Variants in ACACA observed in about 807,000 individuals in gnomAD.
ACACA encodes the protein acetyl-CoA carboxylase alpha, also known as acetyl-CoA carboxylase 1.
A neutral mutation model predicts 296.1 loss-of-function variants in ACACA; 103 were observed. That is an observed-to-expected ratio of 0.35 (90% CI 0.30 to 0.41). ACACA has a LOEUF of 0.41. ACACA is among the 10% of genes least tolerant of loss of function. The pLI is 1.00. For missense variants in ACACA, 1,554 were observed against 2,989.7 expected (o/e 0.52, Z 11.20); for synonymous variants, 953 against 1,038.6 (o/e 0.92, Z 1.58).
rs192305871 is a variant in ACACA, at chr17:37,091,021, G to A, written c.6892-1947C>T. Among the ~76,000 whole-genome samples, 58 of 151,906 alleles carry A rather than the reference G, an allele frequency of 3.8e-4. No individual in the cohort carries two copies. In the Middle Eastern group the frequency reaches 0.01, roughly 27 times the overall value. The stretch of plus-strand genomic sequence containing the variant: ...TACTCTTATTAATCATTTTTAATCC[G>A]TTTGCTTTTAATTAAGAAACAGCAT... On this transcript the variant is annotated intron_variant, in intron 54 of 55. Coordinates refer to ENST00000616317, the MANE Select transcript of ACACA (RefSeq NM_198834.3).
rs755788267 is a variant in ACACA at position 37,097,809 on chromosome 17, A to G, written c.6720+21T>C. On this transcript the variant is annotated intron_variant, in intron 53 of 55. Coordinates refer to ENST00000616317, the MANE Select transcript of ACACA (RefSeq NM_198834.3). This position sits in a 1 kb window ranked among gnomAD's most constrained non-coding sequence, Gnocchi z 4.8. ...GCCCACATGTGGGCCTCTGACAAGA[A>G]GTGGCAACCATTGTACTTACGCTAA... is the stretch of plus-strand genomic sequence containing the variant. The G allele has an allele frequency of 8.7e-6, 14 of 1,613,336 alleles. No individual in the cohort carries two copies. The African/African-American group carries it at 1.9e-4, about 21-fold the overall frequency.
chr17:37,299,160 G>A, intron 3 of ACACA: 1 of 1,019,870 alleles, frequency 9.8e-7, no homozygotes, highest in Non-Finnish European at 1.4e-6. Flanking sequence ...AAAAAAAATA[G>A]CCTTCATTTT....
chr17:37,296,069 T>C lies in ACACA; in HGVS notation c.339-11099A>G, dbSNP rs376315184. Among the ~76,000 whole-genome samples, 39 of 152,302 alleles carry C rather than the reference T, an allele frequency of 2.6e-4. No homozygotes were observed. The East Asian group carries it at 5.6e-3, about 22-fold the overall frequency. The stretch of plus-strand genomic sequence containing the variant: ...TTTAAATACCCTCTAGAGATTTCCA[T>C]TGTTACTTGGTATACACCCTGTGTA... On this transcript the variant is annotated intron_variant, in intron 3 of 55. Coordinates refer to ENST00000616317, the MANE Select transcript of ACACA (RefSeq NM_198834.3).
rs1358681649 is a variant in ACACA, at chr17:37,347,477, G to A, written c.39-7627C>T. Reference sequence around the variant, plus strand: ...CCCAGCTAGCTTTTTTGTGATTTTTGTGGAGACGGGGTTTTGTTATGTTGC... The same window carrying A: ...CCCAGCTAGCTTTTTTGTGATTTTTATGGAGACGGGGTTTTGTTATGTTGC... On this transcript the variant is annotated intron_variant, in intron 1 of 55. Transcript: ENST00000616317. Among the ~76,000 whole-genome samples, 3 of 152,050 alleles carry A rather than the reference G, an allele frequency of 2.0e-5. No homozygotes were observed. The East Asian group carries it at 5.8e-4, about 29-fold the overall frequency.
chr17:37,101,217 T>C (rs1273559068), intron 52 of ACACA, among the ~76,000 whole-genome samples: 1 of 152,034 alleles, frequency 6.6e-6, no homozygotes, highest in Non-Finnish European at 1.5e-5. Flanking sequence ...TAATAAAGCA[T>C]TGGGATATTA....
Position 37,332,497 on chromosome 17 carries a change from G to A in ACACA, c.86-2072C>T, listed in dbSNP as rs375518776. ...TTTAATTCAGAAAATAAGCCTGGGCGCGGTGGCTCACGCCTATAATCCTAA... is the reference window on the plus strand; with the variant it reads ...TTTAATTCAGAAAATAAGCCTGGGCACGGTGGCTCACGCCTATAATCCTAA... On this transcript the variant is annotated intron_variant, in intron 2 of 55. Coordinates refer to ENST00000616317, the MANE Select transcript of ACACA (RefSeq NM_198834.3). 1.7e-4 allele frequency among the ~76,000 whole-genome samples: 26 copies of A among 151,786 alleles called. 1 individual carries two copies. Among genetic ancestry groups the A allele is most frequent in the East Asian group, 9.7e-4 (5 of 5,168 alleles).
At chr17:37,288,632 T>C (rs1208205423) in intron 3 of ACACA, among the ~76,000 whole-genome samples, 1 of 152,140 alleles carries the variant, frequency 6.6e-6, no homozygotes, top group Non-Finnish European at 1.5e-5. Flanking sequence ...GTACATTGGT[T>C]CACACGTGTA....
rs145578648 is a variant in ACACA at position 37,212,164 on chromosome 17, T to C, written c.3684-1674A>G. On this transcript the variant is annotated intron_variant, in intron 29 of 55. Coordinates refer to ENST00000616317, the MANE Select transcript of ACACA (RefSeq NM_198834.3). ...CTCAGGTTCCATTCATCCAGGTTTCTAGAGTTTAGAAACCAGTATAATCTC... is the reference window on the plus strand; with the variant it reads ...CTCAGGTTCCATTCATCCAGGTTTCCAGAGTTTAGAAACCAGTATAATCTC... Among the ~76,000 whole-genome samples the C allele has an allele frequency of 5.9e-5, 9 of 152,356 alleles. No individual in the cohort carries two copies. In the East Asian group the frequency reaches 1.7e-3, roughly 29 times the overall value.
intron 1 of ACACA, among the ~76,000 whole-genome samples, chr17:37,367,243 G>C (rs2049641272): frequency 6.7e-6 from 1 of 150,112 alleles, no homozygotes; most frequent in South Asian, 2.1e-4. Context: ...AAAAAAAGAA[G>C]AAAGAATAAA....
At chr17:37,279,741 G>A (rs2146529752) in intron 5 of ACACA, among the ~76,000 whole-genome samples, 1 of 152,210 alleles carries the variant, frequency 6.6e-6, no homozygotes, top group East Asian at 1.9e-4. Context: ...AACCCAGGAG[G>A]CAGAGGTTGC....
In ACACA at chr17:37,296,526, C is replaced by T. The variant is rs575614922; in HGVS notation, c.339-11556G>A. 5.7e-4 allele frequency among the ~76,000 whole-genome samples: 86 copies of T among 151,786 alleles called. 1 individual carries two copies. Among genetic ancestry groups the T allele is most frequent in the Non-Finnish European group, 2.7e-4 (18 of 67,920 alleles). On this transcript the variant is annotated intron_variant, in intron 3 of 55. Coordinates refer to ENST00000616317, the MANE Select transcript of ACACA (RefSeq NM_198834.3). ...TTCACCATGTTAGCCAGGATGGTCT[C>T]GATCTCCTGACCTCATGATCCGCCT...
At chr17:37,329,857 C>T (rs1035034208) in intron 3 of ACACA, among the ~76,000 whole-genome samples, 1 of 152,010 alleles carries the variant, frequency 6.6e-6, no homozygotes, top group Admixed American at 6.6e-5. Flanking sequence ...AGAAGAATTG[C>T]TTGAACCCAG....
At chr17:37,333,826 C>A (rs2047993113) in intron 2 of ACACA, among the ~76,000 whole-genome samples, 1 of 149,434 alleles carries the variant, frequency 6.7e-6, no homozygotes, top group Non-Finnish European at 1.5e-5. Flanking sequence ...TAGATTTTAC[C>A]CATATGCCCA....
chr17:37,105,406 G>A (rs1162404930), intron 52 of ACACA, among the ~76,000 whole-genome samples: 1 of 152,112 alleles, frequency 6.6e-6, no homozygotes, highest in Non-Finnish European at 1.5e-5. Context: ...GAACTCGGGA[G>A]GCAGAGGTTG....
intron 52 of ACACA, among the ~76,000 whole-genome samples, chr17:37,099,631 T>TGGCG (rs2073234892): frequency 7.5e-6 from 1 of 132,856 alleles, no homozygotes; most frequent in Non-Finnish European, 1.6e-5. Context: ...GGAGGGCTGA[T>TGGCG]GGAGGGAGGG....
intron 2 of ACACA, among the ~76,000 whole-genome samples, chr17:37,334,227 A>G (rs1303260360): frequency 6.6e-6 from 1 of 152,138 alleles, no homozygotes; most frequent in Non-Finnish European, 1.5e-5. Flanking sequence ...CTTAGTCCAT[A>G]CAAAATGCTG....
chr17:37,179,150 C>A, intron 41 of ACACA, 110 bp downstream of exon 41: 1 of 1,361,906 alleles, frequency 7.3e-7, no homozygotes, highest in South Asian at 1.2e-5. Context: ...CTCTAAAGAA[C>A]TCTCCCAACA....
intron 31 of ACACA, 107 bp from the exon 32 acceptor site, chr17:37,206,986 A>G: frequency 9.5e-7 from 1 of 1,052,372 alleles, no homozygotes; most frequent in Admixed American, 2.0e-5. Context: ...GCCTGGGCTC[A>G]ATAGTTAATT....
At chr17:37,183,512 G>C (rs931503965) in intron 39 of ACACA, among the ~76,000 whole-genome samples, 3 of 152,140 alleles carry the variant, frequency 2.0e-5, no homozygotes, top group African/African-American at 4.8e-5. Context: ...TCCATCAACA[G>C]GTTATCTTGG....
Sources: gnomAD v4.1 joint callset for allele counts (sites outside exome capture counted in the v4.1 genomes callset) on GRCh38, gnomAD v4.1.1 for gene constraint, Gnocchi (gnomAD v3.1) non-coding constraint, MANE v1.5 for transcripts, NCBI Gene and HGNC (gene_info 2026-07-23, HGNC 2026-07-21) for gene names.